The following FBXL17 variants were observed in gnomAD, a reference collection of about 807,000 sequenced individuals.
FBXL17 encodes the protein F-box/LRR-repeat protein 17.
FBXL17 carries 22 observed loss-of-function variants against 66.2 expected under a neutral mutation model. The observed-to-expected ratio is 0.33, with a 90% CI of 0.24 to 0.47. FBXL17 has a LOEUF of 0.47. Ranked by LOEUF, FBXL17 falls within the 20% of genes least tolerant of loss-of-function variation. The probability of loss-of-function intolerance (pLI) is 1.00; values close to 1 mark genes in which losing one functional copy is unlikely to be tolerated. For missense variants in FBXL17, 878 were observed against 948.2 expected (o/e 0.93, Z 0.97); for synonymous variants, 474 against 400.5 (o/e 1.18, Z -2.19).
In FBXL17 at chr5:108,218,913, T is replaced by C. The variant is rs183133508; in HGVS notation, c.1614+5208A>G. On this transcript the variant is annotated intron_variant, in intron 5 of 8. Transcript: ENST00000542267. ...TCTGTTGTTTCCTCTGCTATACAGA[T>C]ACAATGGATTTTTGTGTATTGATTT... 2.8e-4 allele frequency among the ~76,000 whole-genome samples: 43 copies of C among 152,338 alleles called. No individual in the cohort carries two copies. The South Asian group carries it at 7.0e-3, about 25-fold the overall frequency.
At chr5:108,088,742 T>TA (rs1330882652) in intron 6 of FBXL17, among the ~76,000 whole-genome samples, 1 of 106,698 alleles carries the variant, frequency 9.4e-6, no homozygotes. Context: ...AAAAAAAAGA[T>TA]ACCTGTATAT....
chr5:107,870,313 A>G (rs1276195559), intron 8 of FBXL17, among the ~76,000 whole-genome samples: 2 of 152,242 alleles, frequency 1.3e-5, no homozygotes, highest in Non-Finnish European at 1.5e-5. Context: ...TGTTGCTACT[A>G]TAGCTTATTA....
chr5:107,914,790 G>A (rs1294939427), intron 7 of FBXL17, among the ~76,000 whole-genome samples: 1 of 152,310 alleles, frequency 6.6e-6, no homozygotes, highest in South Asian at 2.1e-4. Context: ...AATATATTGA[G>A]TAAGACAAAG....
intron 6 of FBXL17, among the ~76,000 whole-genome samples, chr5:108,058,976 A>G (rs1351518983): frequency 6.6e-6 from 1 of 152,162 alleles, no homozygotes; most frequent in Admixed American, 6.5e-5. Context: ...CAAAACAGGT[A>G]GACTTCATTC....
At chr5:107,952,017 G>A (rs1751513614) in intron 7 of FBXL17, among the ~76,000 whole-genome samples, 1 of 152,040 alleles carries the variant, frequency 6.6e-6, no homozygotes, top group Non-Finnish European at 1.5e-5. Flanking sequence ...ATGATAATCT[G>A]AATATTTCTT....
intron 4 of FBXL17, among the ~76,000 whole-genome samples, chr5:108,296,555 T>G (rs556493079): frequency 1.5e-3 from 233 of 151,962 alleles, no homozygotes; most frequent in African/African-American, 5.5e-3. Flanking sequence ...CTGTACATTA[T>G]TAATGTATGA....
At chr5:108,357,640 T>C (rs758286511) in intron 3 of FBXL17, among the ~76,000 whole-genome samples, 30 of 151,874 alleles carry the variant, frequency 2.0e-4, no homozygotes, top group South Asian at 1.5e-3. Flanking sequence ...TCTGCTCTCA[T>C]ACTGCAATAG....
At chr5:108,184,289 T>C (rs1753132930) in intron 6 of FBXL17, among the ~76,000 whole-genome samples, 1 of 151,938 alleles carries the variant, frequency 6.6e-6, no homozygotes, top group Admixed American at 6.6e-5. Context: ...TCGGATGTGG[T>C]GGTACACACT....
intron 6 of FBXL17, among the ~76,000 whole-genome samples, chr5:108,070,578 C>T (rs1285170920): frequency 6.6e-6 from 1 of 152,140 alleles, no homozygotes; most frequent in Non-Finnish European, 1.5e-5. Context: ...TTGCATAAAT[C>T]AAAACAGTAC....
At chr5:108,294,292 A>AATATATAT (rs1314202083) in intron 4 of FBXL17, among the ~76,000 whole-genome samples, 122 of 145,868 alleles carry the variant, frequency 8.4e-4, no homozygotes, top group African/African-American at 2.9e-3. Flanking sequence ...GAAAAAAAAA[A>AATATATAT]ATATATATAT....
chr5:108,063,274 T>A (rs1371342308), intron 6 of FBXL17, among the ~76,000 whole-genome samples: 1 of 152,176 alleles, frequency 6.6e-6, no homozygotes, highest in Non-Finnish European at 1.5e-5. Flanking sequence ...GAAATGACAG[T>A]GGCAGTCTTA....
intron 4 of FBXL17, among the ~76,000 whole-genome samples, chr5:108,271,166 G>T (rs1041281134): frequency 6.6e-6 from 1 of 151,360 alleles, no homozygotes; most frequent in Non-Finnish European, 1.5e-5. Flanking sequence ...AATCACAGTA[G>T]AAATCATAAT....
intron 1 of FBXL17, among the ~76,000 whole-genome samples, chr5:108,375,265 G>C (rs1212693182): frequency 6.6e-6 from 1 of 151,926 alleles, no homozygotes; most frequent in Non-Finnish European, 1.5e-5. Context: ...GCTGACAAGA[G>C]GGAAAGTCAC....
intron 4 of FBXL17, among the ~76,000 whole-genome samples, chr5:108,245,897 C>G (rs955581325): frequency 2.0e-5 from 3 of 152,096 alleles, no homozygotes; most frequent in African/African-American, 7.2e-5. Context: ...CTCTTCTACC[C>G]AAGTCCAAGT....
chr5:107,988,758 G>A (rs369074823), intron 7 of FBXL17, among the ~76,000 whole-genome samples: 12 of 152,090 alleles, frequency 7.9e-5, no homozygotes, highest in African/African-American at 2.6e-4. Flanking sequence ...TTAATTAAAA[G>A]TGAATAAGAG....
intron 6 of FBXL17, among the ~76,000 whole-genome samples, chr5:108,046,542 T>C (rs1169306868): frequency 6.6e-6 from 1 of 152,208 alleles, no homozygotes; most frequent in East Asian, 1.9e-4. Flanking sequence ...TTCCTGCCTT[T>C]CTGGGGTTAC....
chr5:108,109,843 A>G (rs975867668), intron 6 of FBXL17, among the ~76,000 whole-genome samples: 2 of 152,184 alleles, frequency 1.3e-5, no homozygotes, highest in Non-Finnish European at 2.9e-5. Flanking sequence ...TCACAATACT[A>G]CATTTTATCT....
At chr5:108,310,614 T>C (rs1759068548) in intron 4 of FBXL17, among the ~76,000 whole-genome samples, 1 of 152,162 alleles carries the variant, frequency 6.6e-6, no homozygotes. Flanking sequence ...AATCAGAACT[T>C]TGAGATATTT....
intron 7 of FBXL17, among the ~76,000 whole-genome samples, chr5:107,925,186 G>T (rs1561323517): frequency 6.6e-6 from 1 of 152,080 alleles, no homozygotes; most frequent in Non-Finnish European, 1.5e-5. Flanking sequence ...TACCTGTAAT[G>T]GTTCTTGAAA....
Sources: gnomAD v4.1 joint callset for allele counts (sites outside exome capture counted in the v4.1 genomes callset) on GRCh38, gnomAD v4.1.1 for gene constraint, MANE v1.5 for transcripts, NCBI Gene and HGNC (gene_info 2026-07-23, HGNC 2026-07-21) for gene names.